SNX21: variants seen among roughly 807,000 people sequenced by gnomAD.
SNX21 encodes the protein sorting nexin family member 21.
A neutral mutation model predicts 30.9 loss-of-function variants in SNX21; 36 were observed. The observed-to-expected ratio is 1.16, with a 90% CI of 0.89 to 1.54. The LOEUF (loss-of-function observed/expected upper bound fraction) is 1.54, where lower values mean the gene tolerates loss of function less well. Ranked by LOEUF, SNX21 falls within the 40% of genes most tolerant of loss-of-function variation. The pLI is 0.00. For missense variants in SNX21, 508 were observed against 516.5 expected, an observed-to-expected ratio of 0.98 and a Z score of 0.16; for synonymous variants, 218 against 222.7, an observed-to-expected ratio of 0.98 and a Z score of 0.19.
chr20:45,840,061 T>G, intron 3 of SNX21: 1 of 785,290 alleles, frequency 1.3e-6, no homozygotes, highest in Non-Finnish European at 1.5e-6. Flanking sequence ...GAAACAGAAG[T>G]GGACCCAGAG....
At chr20:45,834,923 C>G in intron 2 of SNX21, 36 bp from the exon 3 acceptor site, 1 of 1,604,020 alleles carries the variant, frequency 6.2e-7, no homozygotes, top group Non-Finnish European at 8.5e-7. Flanking sequence ...GACCCTGGCC[C>G]TAGGCCCATT....
intron 3 of SNX21, among the ~76,000 whole-genome samples, chr20:45,835,427 C>T (rs560699496): frequency 6.6e-6 from 1 of 152,164 alleles, no homozygotes; most frequent in Non-Finnish European, 1.5e-5. Context: ...ATGTGAGATA[C>T]AGAGAGACAG....
intron 3 of SNX21, chr20:45,840,313 GT>G: frequency 6.3e-7 from 1 of 1,575,912 alleles, no homozygotes; most frequent in South Asian, 1.1e-5. Flanking sequence ...CTTATGTCTG[GT>G]TTTCCAGAGG....
Position 45,833,945 on chromosome 20 carries a change from A to C in SNX21, c.21+5A>C. On this transcript the variant is annotated splice_donor_5th_base_variant and intron_variant, in intron 1 of 3. Coordinates refer to ENST00000491381, the MANE Select transcript of SNX21 (RefSeq NM_033421.4). The stretch of plus-strand genomic sequence containing the variant: ...ATGCACCGTGGGACGCAGGAGGTAG[A>C]GGCGCACGAGGCGGCGCAAGAGACA... 7.0e-7 allele frequency: 1 copy of C among 1,438,654 alleles called. No homozygotes were observed. 89.1% of individuals were successfully genotyped at this position (1,438,654 alleles called of 1,614,324 possible). A position where few individuals can be genotyped will look rare whatever the true frequency, so the allele number is the denominator to read the frequency against.
Position 45,841,568 on chromosome 20 carries a change from T to C in SNX21, c.*255T>C. 7.2e-7 allele frequency: 1 copy of C among 1,390,182 alleles called. No individual in the cohort carries two copies. Among genetic ancestry groups the C allele is most frequent in the Non-Finnish European group, 9.3e-7 (1 of 1,079,848 alleles). The allele number at this position is 1,390,182 out of a possible 1,614,324, so 86.1% of individuals were successfully genotyped here. A position where few individuals can be genotyped will look rare whatever the true frequency, so the allele number is the denominator to read the frequency against. On this transcript the variant is annotated 3_prime_UTR_variant, in exon 4 of 4. Transcript: ENST00000491381. ...CAGCCTATAAACAGCCGGGGGGCTG[T>C]GGCACAGGTTGGGGCAATGTTCCCT... is the stretch of plus-strand genomic sequence containing the variant.
At position 45,834,453 on chromosome 20, in the gene SNX21, T is replaced by C. The variant is rs1324594439; in HGVS notation, c.274T>C (p.Ser92Pro). The change falls in exon 2 of 4, where the codon TCA becomes CCA. Residue 92 changes from serine to proline, a missense_variant. Transcript: ENST00000491381. The part of the protein sequence containing the change: ...PDQLPLGDGT[S>P]GEDAERSPPP... ...CCAGCTGCCCCTCGGGGATGGGACG[T>C]CAGGAGAAGACGCAGGCGAGTGCAG... 2 of 1,604,634 alleles carry C rather than the reference T, an allele frequency of 1.2e-6. No homozygotes were observed. Among genetic ancestry groups the C allele is most frequent in the Non-Finnish European group, 1.7e-6 (2 of 1,179,178 alleles).
chr20:45,838,579 C>G (rs1413917590), intron 3 of SNX21, among the ~76,000 whole-genome samples: 1 of 151,650 alleles, frequency 6.6e-6, no homozygotes, highest in Non-Finnish European at 1.5e-5. Context: ...CACGGTGAAA[C>G]CCCGACACTA....
chr20:45,836,847 G>A (rs1448077600), intron 3 of SNX21, among the ~76,000 whole-genome samples: 3 of 152,166 alleles, frequency 2.0e-5, no homozygotes, highest in African/African-American at 7.2e-5. Flanking sequence ...GAGAAGCAAG[G>A]CACCTCCTGT....
chr20:45,837,656 T>C (rs1441366889), intron 3 of SNX21, among the ~76,000 whole-genome samples: 1 of 152,220 alleles, frequency 6.6e-6, no homozygotes, highest in Non-Finnish European at 1.5e-5. Context: ...TGTTCAGTGT[T>C]TTCCAAACCT....
Position 45,835,089 on chromosome 20 carries a change from T to C in SNX21, c.420T>C (p.Val140=). ...TCTTCGAAGTGACCAGCGCTAACGT[T>C]GTCAAGGACCCGCCCTCCAAGTACG... The part of the protein sequence containing the change: ...RLLFEVTSAN[V]VKDPPSKYVL... The change falls in exon 3 of 4, where the codon GTT becomes GTC. Residue 140 remains valine, a synonymous_variant. Coordinates refer to ENST00000491381, the MANE Select transcript of SNX21 (RefSeq NM_033421.4). 1 of 1,613,744 alleles carries C rather than the reference T, an allele frequency of 6.2e-7. No individual in the cohort carries two copies. The highest frequency in any genetic ancestry group is 8.5e-7 in the Non-Finnish European group (1 of 1,179,754).
chr20:45,834,431 G>C lies in SNX21; in HGVS notation c.252G>C (p.Gln84His), dbSNP rs773309579. 3.1e-6 allele frequency: 5 copies of C among 1,606,464 alleles called. No homozygotes were observed. Among genetic ancestry groups the C allele is most frequent in the Admixed American group, 3.3e-5 (2 of 59,742 alleles). The part of the protein sequence containing the change: ...DEDDEEAGPD[Q>H]LPLGDGTSGE... ...ACGACGAGGAGGCTGGCCCTGACCA[G>C]CTGCCCCTCGGGGATGGGACGTCAG... The change falls in exon 2 of 4, where the codon CAG (glutamine) becomes CAC (histidine). Residue 84 changes from glutamine to histidine, a missense_variant. By Grantham distance (24) the Gln-to-His change is conservative (BLOSUM62 0). Coordinates refer to ENST00000491381, the MANE Select transcript of SNX21 (RefSeq NM_033421.4).
intron 1 of SNX21, 121 bp from the exon 2 acceptor site, chr20:45,834,080 G>C: frequency 7.2e-7 from 1 of 1,398,354 alleles, no homozygotes; most frequent in Non-Finnish European, 9.3e-7. Flanking sequence ...CGGACTGCCA[G>C]GGGGTGGGGC....
rs371712247 is a variant in SNX21 at position 45,840,703 on chromosome 20, G to C, written c.512G>C (p.Arg171Pro). Residue 171 changes from arginine (R) to proline (P), a missense_variant, in exon 4 of 4, where the codon CGT (arginine) becomes CCT (proline). Arg to Pro is a moderately radical substitution (Grantham distance 103). Coordinates refer to ENST00000491381, the MANE Select transcript of SNX21 (RefSeq NM_033421.4). The part of the protein sequence containing the change: ...PDCQPAQISR[R>P]YSDFERLHRN... ...TGCCAGCCAGCCCAGATCTCTCGCC[G>C]TTACTCGGACTTTGAGCGGCTGCAC... 6.2e-7 allele frequency: 1 copy of C among 1,614,170 alleles called. No homozygotes were observed. The highest frequency in any genetic ancestry group is 8.5e-7 in the Non-Finnish European group (1 of 1,180,038).
chr20:45,843,217 A>C lies in SNX21; in HGVS notation c.*1904A>C. On this transcript the variant is annotated 3_prime_UTR_variant, in exon 4 of 4. Coordinates refer to ENST00000491381, the MANE Select transcript of SNX21 (RefSeq NM_033421.4). The stretch of plus-strand genomic sequence containing the variant: ...GTAACCCTCTTTGTTTAGATGAGGA[A>C]ACTGAGGTTCAGATGGAAGATATGA... The C allele has an allele frequency of 2.0e-6, 1 of 510,948 alleles. No homozygotes were observed. The highest frequency in any genetic ancestry group is 3.5e-6 in the Non-Finnish European group (1 of 287,020). The allele number at this position is 510,948 out of a possible 1,614,324, so 31.7% of individuals were successfully genotyped here.
intron 3 of SNX21, among the ~76,000 whole-genome samples, chr20:45,837,650 C>G (rs1983655643): frequency 6.6e-6 from 1 of 152,208 alleles, no homozygotes; most frequent in Admixed American, 6.5e-5. Context: ...TCATCTTGTT[C>G]AGTGTTTTCC....
intron 3 of SNX21, among the ~76,000 whole-genome samples, chr20:45,836,071 A>C (rs756289434): frequency 1.3e-5 from 2 of 152,130 alleles, no homozygotes; most frequent in Admixed American, 6.5e-5. Flanking sequence ...ACTCAGCAGG[A>C]GGGGGCCTGG....
intron 3 of SNX21, chr20:45,840,399 C>T (rs747595506): frequency 4.0e-5 from 65 of 1,614,030 alleles, no homozygotes; most frequent in Non-Finnish European, 5.3e-5. Context: ...CACTGAAGCT[C>T]ATCTCTGTCT....
chr20:45,834,719 C>G (rs1291678181), intron 2 of SNX21: 4 of 653,882 alleles, frequency 6.1e-6, no homozygotes, highest in Non-Finnish European at 1.0e-5. Context: ...ATGTACAGGG[C>G]TTGGGATCCG....
In SNX21 at chr20:45,840,680, C is replaced by A; in HGVS notation, c.489C>A (p.Cys163Ter). The change falls in exon 4 of 4, where the codon TGC becomes TGA. Residue 163 changes from cysteine (C) to a stop codon, truncating the protein, a stop_gained. Coordinates refer to ENST00000491381, the MANE Select transcript of SNX21 (RefSeq NM_033421.4). LOFTEE classifies it high-confidence loss of function. ...LAVIGPGPPDCQPAQISRRYS... is the reference protein window; with the variant it reads ...LAVIGPGPPD ...TGATCGGCCCAGGACCGCCAGATTG[C>A]CAGCCAGCCCAGATCTCTCGCCGTT... 1 of 1,613,608 alleles carries A rather than the reference C, an allele frequency of 6.2e-7. No homozygotes were observed. Among genetic ancestry groups the A allele is most frequent in the Non-Finnish European group, 8.5e-7 (1 of 1,179,496 alleles).
Sources: gnomAD v4.1 joint callset for allele counts (sites outside exome capture counted in the v4.1 genomes callset) on GRCh38, gnomAD v4.1.1 for gene constraint, MANE v1.5 for transcripts, NCBI Gene and HGNC (gene_info 2026-07-23, HGNC 2026-07-21) for gene names.